Variants in NOL4L observed in about 807,000 individuals in gnomAD.
The protein encoded by NOL4L is nucleolar protein 4 like, also known as nucleolar protein 4-like.
NOL4L carries 7 observed loss-of-function variants against 64.5 expected under a neutral mutation model. That is an observed-to-expected ratio of 0.11 (90% CI 0.06 to 0.20). The LOEUF (loss-of-function observed/expected upper bound fraction) is 0.20, where lower values mean the gene tolerates loss of function less well. NOL4L is among the 10% of genes least tolerant of loss of function. The pLI is 1.00. For synonymous variants in NOL4L, 413 were observed against 401.0 expected, an observed-to-expected ratio of 1.03 and a Z score of -0.36; for missense variants, 680 against 967.1, an observed-to-expected ratio of 0.70 and a Z score of 3.94.
In NOL4L at chr20:32,485,058, C is replaced by CAAAAAAAAAAAAAAAAAAAAAA. The variant is rs57444583; in HGVS notation, c.700-10338_700-10317dup. Among the ~76,000 whole-genome samples the CAAAAAAAAAAAAAAAAAAAAAA allele has an allele frequency of 4.3e-3, 77 of 17,802 alleles. 1 individual carries two copies. The highest frequency in any genetic ancestry group is 9.2e-3 in the Admixed American group (12 of 1,308). The allele number at this position is 17,802 out of a possible 152,430, so 11.7% of individuals were successfully genotyped here. A position where few individuals can be genotyped will look rare whatever the true frequency, so the allele number is the denominator to read the frequency against. ...TCGTGGAATTCTGTGGGGAAATTGCCAAAAAAAAAAAAAAAAAAAAAAAAA... is the reference window on the plus strand; with the variant it reads ...TCGTGGAATTCTGTGGGGAAATTGCCAAAAAAAAAAAAAAAAAAAAAAAAAAAAAAAAAAAAAAAAAAAAAAA... On this transcript the variant is annotated intron_variant, in intron 4 of 10. Coordinates refer to ENST00000621426, the MANE Select transcript of NOL4L (RefSeq NM_001256798.2).
chr20:32,564,562 G>A (rs1979304178), intron 1 of NOL4L, among the ~76,000 whole-genome samples: 2 of 152,186 alleles, frequency 1.3e-5, no homozygotes, highest in African/African-American at 4.8e-5. Context: ...AAGAAACTGA[G>A]GGCAGAAAGC....
rs2012256912 is a variant in NOL4L, at chr20:32,444,688, C to T, written c.*2908G>A. Reference sequence around the variant, plus strand: ...GCTACCCTTCTTGTGGGATTAGCCTCCTGCAAAGACTCTGGAATTGGAGTA... The same window carrying T: ...GCTACCCTTCTTGTGGGATTAGCCTTCTGCAAAGACTCTGGAATTGGAGTA... On this transcript the variant is annotated 3_prime_UTR_variant, in exon 11 of 11. Transcript: ENST00000621426. 1 of 152,178 alleles carries T rather than the reference C, an allele frequency of 6.6e-6. No individual in the cohort carries two copies. Among genetic ancestry groups the T allele is most frequent in the Non-Finnish European group, 1.5e-5 (1 of 68,052 alleles). The allele number at this position is 152,178 out of a possible 1,614,324, so 9.4% of individuals were successfully genotyped here. A position where few individuals can be genotyped will look rare whatever the true frequency, so the allele number is the denominator to read the frequency against.
At chr20:32,553,367 G>A (rs1263130214) in intron 1 of NOL4L, among the ~76,000 whole-genome samples, 1 of 152,048 alleles carries the variant, frequency 6.6e-6, no homozygotes, top group Admixed American at 6.6e-5. Context: ...GCCTTCTCCT[G>A]GCGCTACTCA....
intron 5 of NOL4L, among the ~76,000 whole-genome samples, chr20:32,472,199 T>C (rs2015071337): frequency 6.6e-6 from 1 of 152,150 alleles, no homozygotes; most frequent in African/African-American, 2.4e-5. Flanking sequence ...TCTCAGTAAA[T>C]GTTTGTTCGT....
intron 1 of NOL4L, among the ~76,000 whole-genome samples, chr20:32,534,208 C>T (rs1369930663): frequency 6.6e-6 from 1 of 152,076 alleles, no homozygotes; most frequent in Non-Finnish European, 1.5e-5. Context: ...TGGGTTTCTC[C>T]GATGGTAGAA....
intron 1 of NOL4L, among the ~76,000 whole-genome samples, chr20:32,531,253 A>G (rs2018335190): frequency 6.6e-6 from 1 of 152,258 alleles, no homozygotes; most frequent in African/African-American, 2.4e-5. Context: ...TTTTGTGGGA[A>G]GGAATGGAGA....
chr20:32,513,185 C>T (rs1301058374), intron 3 of NOL4L, among the ~76,000 whole-genome samples: 1 of 152,154 alleles, frequency 6.6e-6, no homozygotes, highest in Non-Finnish European at 1.5e-5. Context: ...GTGCCCTCTA[C>T]CATCACAAGG....
intron 1 of NOL4L, among the ~76,000 whole-genome samples, chr20:32,552,990 G>A (rs761629099): frequency 3.3e-5 from 5 of 152,158 alleles, no homozygotes; most frequent in Non-Finnish European, 7.3e-5. Context: ...GATGAGCTTG[G>A]TTGGTGGCTC....
At chr20:32,532,223 TA>T in intron 1 of NOL4L, 1 of 322,894 alleles carries the variant, frequency 3.1e-6, no homozygotes, top group South Asian at 1.2e-4. Flanking sequence ...TTGGGTCCTG[TA>T]ATCCACCTAT....
Position 32,452,320 on chromosome 20 carries a change from G to C in NOL4L, c.1738C>G (p.Leu580Val). Residue 580 changes from leucine (L) to valine (V), a missense_variant, in exon 10 of 11, where the codon CTC becomes GTC. Coordinates refer to ENST00000621426, the MANE Select transcript of NOL4L (RefSeq NM_001256798.2). ...SQDPVYANGG[L>V]NYSYRGYGAL... ...CCGTACCCGCGGTAACTGTAGTTGA[G>C]GCCGCCGTTGGCGTACACAGGGTCC... 6.2e-7 allele frequency: 1 copy of C among 1,609,698 alleles called. No homozygotes were observed. Among genetic ancestry groups the C allele is most frequent in the Non-Finnish European group, 8.5e-7 (1 of 1,177,748 alleles).
chr20:32,463,057 C>T lies in NOL4L; in HGVS notation c.842-6662G>A, dbSNP rs1339137597. 1.3e-5 allele frequency among the ~76,000 whole-genome samples: 2 copies of T among 152,122 alleles called. No homozygotes were observed. ...TGGGCACTGCCACCTCCTGGGCCTCCTCTTATCTACAGTCCTGGGAGTTGC... is the reference window on the plus strand; with the variant it reads ...TGGGCACTGCCACCTCCTGGGCCTCTTCTTATCTACAGTCCTGGGAGTTGC... On this transcript the variant is annotated intron_variant, in intron 5 of 10. Coordinates refer to ENST00000621426, the MANE Select transcript of NOL4L (RefSeq NM_001256798.2). This position sits in a 1 kb window ranked among gnomAD's most constrained non-coding sequence, Gnocchi z 5.8.
intron 1 of NOL4L, among the ~76,000 whole-genome samples, chr20:32,559,371 T>C (rs754927153): frequency 1.8e-4 from 27 of 152,250 alleles, no homozygotes; most frequent in Middle Eastern, 6.8e-3. Flanking sequence ...TGGCACATAG[T>C]AGGTACTCAG....
intron 5 of NOL4L, among the ~76,000 whole-genome samples, chr20:32,473,611 C>T (rs1304817155): frequency 1.3e-5 from 2 of 152,218 alleles, no homozygotes; most frequent in Non-Finnish European, 2.9e-5. Context: ...GGGAGGCAGG[C>T]GCGCAGGTTC....
chr20:32,571,136 T>C, intron 1 of NOL4L, among the ~76,000 whole-genome samples: 1 of 152,198 alleles, frequency 6.6e-6, no homozygotes, highest in East Asian at 1.9e-4. Context: ...GATGGCCACT[T>C]ATCAGGTCCT....
chr20:32,461,416 C>CTTTTT (rs1347135672), intron 5 of NOL4L, among the ~76,000 whole-genome samples: 2 of 61,162 alleles, frequency 3.3e-5, no homozygotes, highest in Admixed American at 2.4e-4. Context: ...CTCTACCTTT[C>CTTTTT]TTTTCTTTTT....
Position 32,485,058 on chromosome 20 carries a change from C to CAAAAAAAAAAAAAAAAAA in NOL4L, c.700-10334_700-10317dup, listed in dbSNP as rs57444583. 4.9e-3 allele frequency among the ~76,000 whole-genome samples: 88 copies of CAAAAAAAAAAAAAAAAAA among 17,792 alleles called. 3 individuals are homozygous for CAAAAAAAAAAAAAAAAAA. The highest frequency in any genetic ancestry group is 0.013 in the East Asian group (5 of 372). 11.7% of individuals were successfully genotyped at this position (17,792 alleles called of 152,430 possible). A position where few individuals can be genotyped will look rare whatever the true frequency, so the allele number is the denominator to read the frequency against. On this transcript the variant is annotated intron_variant, in intron 4 of 10. Transcript: ENST00000621426. Reference sequence around the variant, plus strand: ...TCGTGGAATTCTGTGGGGAAATTGCCAAAAAAAAAAAAAAAAAAAAAAAAA... The same window carrying CAAAAAAAAAAAAAAAAAA: ...TCGTGGAATTCTGTGGGGAAATTGCCAAAAAAAAAAAAAAAAAAAAAAAAAAAAAAAAAAAAAAAAAAA...
At chr20:32,579,660 T>G (rs1395750975) in intron 1 of NOL4L, among the ~76,000 whole-genome samples, 1 of 152,048 alleles carries the variant, frequency 6.6e-6, no homozygotes, top group Non-Finnish European at 1.5e-5. Flanking sequence ...CAGCAGACAG[T>G]GACCCAGGAC....
In NOL4L at chr20:32,581,657, C is replaced by T. The variant is rs80146291; in HGVS notation, c.321+2913G>A. ...CTTTCTACCTGCTCTCTCTTGAAGC[C>T]CCCATGGGCTTCTTTATCCTGTCCT... On this transcript the variant is annotated intron_variant, in intron 1 of 10. Coordinates refer to ENST00000621426, the MANE Select transcript of NOL4L (RefSeq NM_001256798.2). Among the ~76,000 whole-genome samples the T allele has an allele frequency of 6.3e-4, 96 of 152,292 alleles. 1 individual carries two copies. The East Asian group carries it at 0.016, about 25-fold the overall frequency.
chr20:32,471,194 C>T (rs770537089), intron 5 of NOL4L, among the ~76,000 whole-genome samples: 1 of 150,762 alleles, frequency 6.6e-6, no homozygotes, highest in Non-Finnish European at 1.5e-5. Flanking sequence ...ACCCGCACAA[C>T]TCACTCTTGG....
Sources: allele counts gnomAD v4.1 joint callset (sites outside exome capture counted in the v4.1 genomes callset), GRCh38; gene constraint gnomAD v4.1.1; non-coding constraint Gnocchi (gnomAD v3.1); transcripts MANE v1.5; gene names NCBI Gene and HGNC (gene_info 2026-07-23, HGNC 2026-07-21).